Variants in KCNH7 observed in about 807,000 individuals in gnomAD.
KCNH7 encodes potassium voltage-gated channel subfamily H member 7.
KCNH7 carries 49 observed loss-of-function variants against 120.8 expected under a neutral mutation model. That is an observed-to-expected ratio of 0.41 (90% CI 0.32 to 0.51). The LOEUF is 0.51. Among genes scored for constraint, KCNH7 ranks in the 20% least tolerant of loss-of-function variants. The probability of loss-of-function intolerance (pLI) is 0.38; values close to 1 mark genes in which losing one functional copy is unlikely to be tolerated. For missense variants in KCNH7, 1,097 were observed against 1,446.6 expected, an observed-to-expected ratio of 0.76 and a Z score of 3.92; for synonymous variants, 547 against 516.1, an observed-to-expected ratio of 1.06 and a Z score of -0.81.
At chr2:162,584,822 T>A (rs958440) in intron 2 of KCNH7, among the ~76,000 whole-genome samples, 6,541 of 149,162 alleles carry the variant, frequency 0.044, 285 homozygotes, top group East Asian at 0.11. Context: ...GGCCTAAGTT[T>A]TGTCCTAATT....
intron 2 of KCNH7, among the ~76,000 whole-genome samples, chr2:162,751,409 C>A (rs1688545280): frequency 1.3e-5 from 2 of 152,090 alleles, no homozygotes; most frequent in African/African-American, 2.4e-5. Flanking sequence ...CCTACTGTCA[C>A]CTTTTTGCCA....
rs1323939521 is a variant in KCNH7 at position 162,559,074 on chromosome 2, A to C, written c.308-21994T>G. ...TGCCTCAAAAAAAAAAAAAAAAAAA[A>C]AAGCAAAAAAACAAAAAACAAAAAA... On this transcript the variant is annotated intron_variant, in intron 2 of 15. Transcript: ENST00000332142. Among the ~76,000 whole-genome samples the C allele has an allele frequency of 6.0e-5, 9 of 150,966 alleles. No homozygotes were observed. The South Asian group carries it at 1.7e-3, about 28-fold the overall frequency.
intron 6 of KCNH7, among the ~76,000 whole-genome samples, chr2:162,474,325 T>A (rs542108425): frequency 1.3e-5 from 2 of 152,334 alleles, no homozygotes; most frequent in South Asian, 4.1e-4. Flanking sequence ...TTAGACATTC[T>A]CTTGAGGACA....
At position 162,409,481 on chromosome 2, in the gene KCNH7, T is replaced by A. The variant is rs1400410201; in HGVS notation, c.2155-9040A>T. 7.2e-5 allele frequency among the ~76,000 whole-genome samples: 11 copies of A among 151,862 alleles called. No individual in the cohort carries two copies. The East Asian group carries it at 2.1e-3, about 29-fold the overall frequency. On this transcript the variant is annotated intron_variant, in intron 9 of 15. Coordinates refer to ENST00000332142, the MANE Select transcript of KCNH7 (RefSeq NM_033272.4). Reference sequence around the variant, plus strand: ...TTCTTTCTAACACTTGAAGAGCATATAACCACCAATGAATATAATTATAAA... The same window carrying A: ...TTCTTTCTAACACTTGAAGAGCATAAAACCACCAATGAATATAATTATAAA...
chr2:162,696,039 G>A (rs1296374251), intron 2 of KCNH7, among the ~76,000 whole-genome samples: 1 of 152,100 alleles, frequency 6.6e-6, no homozygotes, highest in Admixed American at 6.5e-5. Flanking sequence ...TTTTCCTAAG[G>A]AATCTACCAG....
intron 2 of KCNH7, among the ~76,000 whole-genome samples, chr2:162,696,798 G>GC: frequency 6.6e-6 from 1 of 152,260 alleles, no homozygotes; most frequent in South Asian, 2.1e-4. Context: ...TGCTTCCTCT[G>GC]CCAAAAGCGG....
chr2:162,495,633 A>G (rs550278240), intron 6 of KCNH7, among the ~76,000 whole-genome samples: 1 of 152,270 alleles, frequency 6.6e-6, no homozygotes, highest in South Asian at 2.1e-4. Context: ...GAGAGAGAAA[A>G]ATTGTTTCAA....
chr2:162,474,583 A>G (rs1219129458), intron 6 of KCNH7, among the ~76,000 whole-genome samples: 1 of 152,226 alleles, frequency 6.6e-6, no homozygotes, highest in Non-Finnish European at 1.5e-5. Context: ...ATATGGATAC[A>G]ATATAGCAGA....
chr2:162,801,563 A>C (rs937572616), intron 2 of KCNH7, among the ~76,000 whole-genome samples: 4 of 151,800 alleles, frequency 2.6e-5, no homozygotes, highest in Non-Finnish European at 4.4e-5. Flanking sequence ...TCAAAAGGCA[A>C]CAGAATCATT....
At position 162,648,144 on chromosome 2, in the gene KCNH7, A is replaced by T. The variant is rs567071405; in HGVS notation, c.308-111064T>A. Among the ~76,000 whole-genome samples, 458 of 152,302 alleles carry T rather than the reference A, an allele frequency of 3.0e-3. 1 individual carries two copies. The highest frequency in any genetic ancestry group is 5.5e-3 in the Non-Finnish European group (374 of 68,022). ...TATAAACAACTACCTGAGACTGAGT[A>T]ATTTATGAAGAAAAGAGGTTTAACT... On this transcript the variant is annotated intron_variant, in intron 2 of 15. Coordinates refer to ENST00000332142, the MANE Select transcript of KCNH7 (RefSeq NM_033272.4).
chr2:162,731,249 TATA>T (rs978423535), intron 2 of KCNH7, among the ~76,000 whole-genome samples: 1 of 148,670 alleles, frequency 6.7e-6, no homozygotes, highest in Non-Finnish European at 1.5e-5. Context: ...TGTGTGTGTG[TATA>T]ATATTATATA....
rs1375203725 is a variant in KCNH7 at position 162,838,533 on chromosome 2, TC to T, written c.-16del. 6.2e-7 allele frequency: 1 copy of T among 1,607,756 alleles called. No homozygotes were observed. The highest frequency in any genetic ancestry group is 2.2e-5 in the East Asian group (1 of 44,830). The stretch of plus-strand genomic sequence containing the variant: ...CGCACAGGCATGTTGGCCCCGGTCT[TC>T]CGAGGAGCGCTCCCCCGGAGCTCTG... On this transcript the variant is annotated 5_prime_UTR_variant, in exon 1 of 16. Coordinates refer to ENST00000332142, the MANE Select transcript of KCNH7 (RefSeq NM_033272.4).
chr2:162,613,269 G>A (rs1227681237), intron 2 of KCNH7, among the ~76,000 whole-genome samples: 1 of 151,984 alleles, frequency 6.6e-6, no homozygotes, highest in African/African-American at 2.4e-5. Flanking sequence ...TATAATTAGA[G>A]TGACTATCAA....
chr2:162,388,949 TA>T (rs1686660666), intron 12 of KCNH7, among the ~76,000 whole-genome samples: 3 of 151,996 alleles, frequency 2.0e-5, no homozygotes, highest in Non-Finnish European at 4.4e-5. Flanking sequence ...ATTATATGGC[TA>T]GGGAAATGAG....
At chr2:162,518,208 C>G (rs767998721) in intron 3 of KCNH7, 50 bp from the exon 4 acceptor site, 2 of 1,350,682 alleles carry the variant, frequency 1.5e-6, no homozygotes, top group African/African-American at 2.9e-5. Context: ...ATGATATATC[C>G]TGTAACAAAA....
intron 7 of KCNH7, among the ~76,000 whole-genome samples, chr2:162,437,148 C>T (rs1448177021): frequency 6.6e-6 from 1 of 152,028 alleles, no homozygotes; most frequent in Non-Finnish European, 1.5e-5. Flanking sequence ...AAGTGTTCTA[C>T]AGTTTCTTGT....
intron 9 of KCNH7, among the ~76,000 whole-genome samples, chr2:162,406,081 T>C (rs1426890095): frequency 6.6e-6 from 1 of 152,012 alleles, no homozygotes; most frequent in East Asian, 1.9e-4. Context: ...TATTACTCTT[T>C]CCTCAAATTA....
intron 2 of KCNH7, among the ~76,000 whole-genome samples, chr2:162,807,283 AC>A (rs1485041992): frequency 3.3e-4 from 49 of 148,556 alleles, no homozygotes; most frequent in African/African-American, 9.8e-4. Context: ...AAAAAAAAAA[AC>A]AAATTAGCCA....
intron 2 of KCNH7, among the ~76,000 whole-genome samples, chr2:162,769,752 G>A (rs531181127): frequency 6.6e-6 from 1 of 151,916 alleles, no homozygotes; most frequent in East Asian, 1.9e-4. Context: ...TAAATGACAT[G>A]GAATAAAATA....
Sources: allele counts gnomAD v4.1 joint callset (sites outside exome capture counted in the v4.1 genomes callset), GRCh38; gene constraint gnomAD v4.1.1; transcripts MANE v1.5; gene names NCBI Gene and HGNC (gene_info 2026-07-23, HGNC 2026-07-21).